The following SGTB variants were observed in gnomAD, a reference collection of about 807,000 sequenced individuals.
SGTB encodes small glutamine-rich tetratricopeptide repeat-containing protein beta.
In SGTB, 19 loss-of-function variants were observed where a neutral mutation model predicts 43.9. That is an observed-to-expected ratio of 0.43 (90% CI 0.30 to 0.63). The LOEUF is 0.63. Among genes scored for constraint, SGTB ranks in the 30% least tolerant of loss-of-function variants. The pLI is 0.12. For missense variants in SGTB, 304 were observed against 358.9 expected (o/e 0.85, Z 1.24); for synonymous variants, 116 against 117.3 (o/e 0.99, Z 0.07).
At position 65,687,387 on chromosome 5, in the gene SGTB, G is replaced by C. The variant is rs189565372; in HGVS notation, c.375-1915C>G. On this transcript the variant is annotated intron_variant, in intron 5 of 10. Transcript: ENST00000381007. ...GCTTAACTCAGAGAAAATTTTAAGA[G>C]ACCAACCTTGAAAAGTTTATATACT... Among the ~76,000 whole-genome samples, 7 of 152,220 alleles carry C rather than the reference G, an allele frequency of 4.6e-5. 1 individual carries two copies. The highest frequency in any genetic ancestry group is 2.6e-4 in the Admixed American group (4 of 15,288).
At chr5:65,691,786 CCGGGCGTGGTGG>C (rs1757614887) in intron 5 of SGTB, among the ~76,000 whole-genome samples, 1 of 151,348 alleles carries the variant, frequency 6.6e-6, no homozygotes, top group Admixed American at 6.6e-5. Context: ...AAAAAATTAG[CCGGGCGTGGTGG>C]CGGGCGCCTG....
chr5:65,708,342 A>G, intron 4 of SGTB, 147 bp downstream of exon 4: 3 of 617,412 alleles, frequency 4.9e-6, no homozygotes, highest in South Asian at 2.2e-5. Context: ...CTTCTTACCC[A>G]TCACATTCAT....
intron 3 of SGTB, among the ~76,000 whole-genome samples, chr5:65,710,570 T>C (rs1366090261): frequency 6.6e-6 from 1 of 152,326 alleles, no homozygotes; most frequent in East Asian, 1.9e-4. Context: ...CCAAGTACAC[T>C]TGGTGAAACA....
At chr5:65,704,043 A>AAAAAAT (rs1561163271) in intron 5 of SGTB, among the ~76,000 whole-genome samples, 2 of 81,738 alleles carry the variant, frequency 2.4e-5, no homozygotes, top group African/African-American at 8.6e-5. Context: ...CTCAAAAAAA[A>AAAAAAT]AAAAAAAAAT....
chr5:65,691,098 G>A (rs1757597826), intron 5 of SGTB, among the ~76,000 whole-genome samples: 2 of 152,192 alleles, frequency 1.3e-5, no homozygotes, highest in Non-Finnish European at 2.9e-5. Flanking sequence ...TTTCACCATG[G>A]GAGAAGGAAG....
intron 5 of SGTB, among the ~76,000 whole-genome samples, chr5:65,697,501 C>T (rs1473531207): frequency 6.6e-6 from 1 of 152,182 alleles, no homozygotes; most frequent in Non-Finnish European, 1.5e-5. Flanking sequence ...TACAACATTT[C>T]ATGACACTCA....
chr5:65,702,574 A>G (rs1033325943), intron 5 of SGTB, among the ~76,000 whole-genome samples: 1 of 152,172 alleles, frequency 6.6e-6, no homozygotes, highest in Non-Finnish European at 1.5e-5. Flanking sequence ...AAGAACTGGT[A>G]GGGGTACTCC....
intron 8 of SGTB, among the ~76,000 whole-genome samples, chr5:65,674,954 C>T (rs1403545355): frequency 6.6e-6 from 1 of 152,186 alleles, no homozygotes; most frequent in Non-Finnish European, 1.5e-5. Context: ...AATGAGTCAT[C>T]TGTGCATTTC....
At chr5:65,707,365 A>G (rs1418970775) in intron 4 of SGTB, among the ~76,000 whole-genome samples, 5 of 151,472 alleles carry the variant, frequency 3.3e-5, no homozygotes, top group African/African-American at 1.2e-4. Flanking sequence ...ATTGTTTCAT[A>G]TCCACCTTTT....
chr5:65,701,151 C>G (rs1757809928), intron 5 of SGTB, among the ~76,000 whole-genome samples: 1 of 151,540 alleles, frequency 6.6e-6, no homozygotes, highest in Non-Finnish European at 1.5e-5. Flanking sequence ...CAGATATAAC[C>G]TAACCACAAA....
At chr5:65,682,404 C>T (rs564427904) in intron 6 of SGTB, among the ~76,000 whole-genome samples, 36 of 152,264 alleles carry the variant, frequency 2.4e-4, no homozygotes, top group African/African-American at 8.7e-4. Context: ...CTGGCTTCTA[C>T]GTAGAGGATC....
upstream of SGTB, chr5:65,722,661 G>A (rs1758345029): frequency 3.9e-6 from 2 of 513,914 alleles, no homozygotes; most frequent in South Asian, 4.8e-5. Flanking sequence ...CTCAGCCGCA[G>A]TCAGCGAGGC....
upstream of SGTB, chr5:65,722,292 G>C (rs1041088066): frequency 8.7e-7 from 1 of 1,146,494 alleles, no homozygotes; most frequent in Admixed American, 2.9e-5. Context: ...CGAGACTCCC[G>C]GGCGCCCAGG....
At chr5:65,690,825 GA>G (rs1464270552) in intron 5 of SGTB, among the ~76,000 whole-genome samples, 1 of 152,150 alleles carries the variant, frequency 6.6e-6, no homozygotes, top group Admixed American at 6.6e-5. Flanking sequence ...TCAGAAAGAT[GA>G]AAAAGCAAAA....
chr5:65,705,989 T>A (rs1467732305), intron 4 of SGTB, among the ~76,000 whole-genome samples: 1 of 152,030 alleles, frequency 6.6e-6, no homozygotes, highest in Non-Finnish European at 1.5e-5. Flanking sequence ...TGATCTGTAC[T>A]GTTGCCACTG....
In SGTB at chr5:65,705,862, T is replaced by C. The variant is rs1458350013; in HGVS notation, c.275-1484A>G. ...GGGCAACATGGTGAAACCCTATCTC[T>C]ACAAAAAAAAAAAAAAACACAAAAA... On this transcript the variant is annotated intron_variant, in intron 4 of 10. Coordinates refer to ENST00000381007, the MANE Select transcript of SGTB (RefSeq NM_019072.3). Among the ~76,000 whole-genome samples, 8 of 81,332 alleles carry C rather than the reference T, an allele frequency of 9.8e-5. No homozygotes were observed. In the South Asian group the frequency reaches 3.5e-3, roughly 35 times the overall value. 53.4% of individuals were successfully genotyped at this position (81,332 alleles called of 152,430 possible).
chr5:65,716,914 G>T (rs1349113303), intron 2 of SGTB, among the ~76,000 whole-genome samples: 1 of 152,144 alleles, frequency 6.6e-6, no homozygotes, highest in South Asian at 2.1e-4. Flanking sequence ...TCAAGCAGTG[G>T]ACCCTGGGTA....
intron 2 of SGTB, 35 bp from the exon 3 acceptor site, chr5:65,713,099 C>A: frequency 4.7e-6 from 7 of 1,492,130 alleles, no homozygotes; most frequent in South Asian, 2.4e-5. Context: ...AAACAATTAG[C>A]AATTTTAAAA....
intron 5 of SGTB, among the ~76,000 whole-genome samples, chr5:65,690,205 A>G (rs549048908): frequency 6.6e-6 from 1 of 152,338 alleles, no homozygotes; most frequent in South Asian, 2.1e-4. Context: ...TGGGAGGTCA[A>G]GGCCAAGAGG....
Sources: allele counts gnomAD v4.1 joint callset (sites outside exome capture counted in the v4.1 genomes callset), GRCh38; gene constraint gnomAD v4.1.1; transcripts MANE v1.5; gene names NCBI Gene and HGNC (gene_info 2026-07-23, HGNC 2026-07-21).